Variants in PTAR1 observed in about 807,000 individuals in gnomAD.
The protein encoded by PTAR1 is protein prenyltransferase alpha subunit repeat containing 1.
Under a neutral mutation model 45.5 loss-of-function variants are expected in PTAR1, and 17 were observed. That is an observed-to-expected ratio of 0.37 (90% confidence interval 0.26 to 0.56). PTAR1 has a LOEUF of 0.56. PTAR1 is among the 20% of genes least tolerant of loss of function. The probability of loss-of-function intolerance (pLI) is 0.77; values close to 1 mark genes in which losing one functional copy is unlikely to be tolerated. For missense variants in PTAR1, 391 were observed against 476.3 expected, an observed-to-expected ratio of 0.82 and a Z score of 1.67; for synonymous variants, 169 against 171.3, an observed-to-expected ratio of 0.99 and a Z score of 0.11.
At chr9:69,719,293 A>ACAGT (rs1824875810) in intron 6 of PTAR1, among the ~76,000 whole-genome samples, 1 of 152,184 alleles carries the variant, frequency 6.6e-6, no homozygotes, top group Non-Finnish European at 1.5e-5. Context: ...TGTAAAAGAT[A>ACAGT]CAGTTCCTGT....
At chr9:69,746,445 G>C (rs919507421) in intron 2 of PTAR1, among the ~76,000 whole-genome samples, 1 of 152,200 alleles carries the variant, frequency 6.6e-6, no homozygotes, top group Non-Finnish European at 1.5e-5. Flanking sequence ...TTTGCCTTCT[G>C]CAGGTCAGGA....
At chr9:69,749,059 T>G (rs142889166) in intron 2 of PTAR1, among the ~76,000 whole-genome samples, 1 of 152,232 alleles carries the variant, frequency 6.6e-6, no homozygotes, top group African/African-American at 2.4e-5. Flanking sequence ...GTGAGTGAGC[T>G]TAACCATTTA....
chr9:69,732,515 T>G (rs755728667), intron 4 of PTAR1, among the ~76,000 whole-genome samples, 163 bp from the exon 5 acceptor site: 1 of 152,144 alleles, frequency 6.6e-6, no homozygotes, highest in Non-Finnish European at 1.5e-5. Context: ...GTTGTTTTGT[T>G]GTTTATGATG....
At chr9:69,744,110 A>T (rs1023747482) in intron 2 of PTAR1, among the ~76,000 whole-genome samples, 1 of 152,186 alleles carries the variant, frequency 6.6e-6, no homozygotes, top group Admixed American at 6.6e-5. Context: ...GGTAAAATGT[A>T]CCAGGAAGTG....
At chr9:69,756,681 G>C (rs1826792485) in intron 1 of PTAR1, among the ~76,000 whole-genome samples, 2 of 151,848 alleles carry the variant, frequency 1.3e-5, no homozygotes. Context: ...TTTAATACTT[G>C]GCTTAAAACC....
Position 69,712,227 on chromosome 9 carries a change from G to C in PTAR1, c.*6115C>G, listed in dbSNP as rs1824549929. 1 of 152,070 alleles carries C rather than the reference G, an allele frequency of 6.6e-6. No individual in the cohort carries two copies. The highest frequency in any genetic ancestry group is 2.4e-5 in the African/African-American group (1 of 41,428). 9.4% of individuals were successfully genotyped at this position (152,070 alleles called of 1,614,324 possible). On this transcript the variant is annotated 3_prime_UTR_variant, in exon 8 of 8. Transcript: ENST00000340434. ...TAAAATTAAGGCTGATTCCTAAAAG[G>C]TATGGAAGAAAAGCCAGAATGTTAT...
chr9:69,747,650 C>A (rs543266717), intron 2 of PTAR1, among the ~76,000 whole-genome samples: 1 of 152,144 alleles, frequency 6.6e-6, no homozygotes, highest in Admixed American at 6.5e-5. Flanking sequence ...TGCCCAGTTA[C>A]GAAGAGTAGA....
At chr9:69,732,938 G>A (rs1825607787) in intron 4 of PTAR1, among the ~76,000 whole-genome samples, 1 of 152,132 alleles carries the variant, frequency 6.6e-6, no homozygotes, top group African/African-American at 2.4e-5. Context: ...GTCTGTTTAA[G>A]ATTTGCATTA....
At chr9:69,739,818 T>C (rs1029561443) in intron 3 of PTAR1, among the ~76,000 whole-genome samples, 5 of 152,218 alleles carry the variant, frequency 3.3e-5, no homozygotes, top group Non-Finnish European at 7.3e-5. Flanking sequence ...CAAAGGATTT[T>C]TTAAAAATCA....
At chr9:69,733,026 T>C (rs1184129617) in intron 4 of PTAR1, among the ~76,000 whole-genome samples, 8 of 152,222 alleles carry the variant, frequency 5.3e-5, no homozygotes, top group African/African-American at 9.6e-5. Context: ...AATTTACTTA[T>C]ATAAAAGCAT....
chr9:69,747,593 G>A (rs1038192710), intron 2 of PTAR1, among the ~76,000 whole-genome samples: 13 of 152,152 alleles, frequency 8.5e-5, no homozygotes, highest in African/African-American at 1.9e-4. Flanking sequence ...ACACTCTGCC[G>A]CAGTGTCTCA....
chr9:69,742,735 T>C (rs1327663240), intron 2 of PTAR1, among the ~76,000 whole-genome samples: 4 of 152,116 alleles, frequency 2.6e-5, no homozygotes, highest in Admixed American at 2.6e-4. Flanking sequence ...GACCTATATA[T>C]ATTTTTAAAA....
rs1231585116 is a variant in PTAR1 at position 69,717,420 on chromosome 9, T to C, written c.*922A>G. 1 of 152,114 alleles carries C rather than the reference T, an allele frequency of 6.6e-6. No homozygotes were observed. The highest frequency in any genetic ancestry group is 1.5e-5 in the Non-Finnish European group (1 of 68,014). The allele number at this position is 152,114 out of a possible 1,614,324, so 9.4% of individuals were successfully genotyped here. ...GCATATACCAAATTTGAGGTAAAAA[T>C]AATCTATCAAAACTAGCAATAAAAA... On this transcript the variant is annotated 3_prime_UTR_variant, in exon 8 of 8. Transcript: ENST00000340434.
chr9:69,756,886 A>G (rs1208619041), intron 1 of PTAR1, among the ~76,000 whole-genome samples: 2 of 152,254 alleles, frequency 1.3e-5, no homozygotes, highest in African/African-American at 2.4e-5. Flanking sequence ...CACTAGGCAC[A>G]TGGAGCCACT....
intron 3 of PTAR1, among the ~76,000 whole-genome samples, chr9:69,736,246 T>A (rs1317185959): frequency 6.6e-6 from 1 of 152,138 alleles, no homozygotes; most frequent in Non-Finnish European, 1.5e-5. Context: ...CAATATGTGT[T>A]TTAAAACAAG....
chr9:69,730,704 A>G (rs540185953), intron 5 of PTAR1, among the ~76,000 whole-genome samples: 4 of 151,212 alleles, frequency 2.6e-5, no homozygotes, highest in African/African-American at 9.7e-5. Flanking sequence ...TTTCTCAACT[A>G]GATTTTCAAT....
rs762873506 is a variant in PTAR1, at chr9:69,712,681, T to C, written c.*5661A>G. The C allele has an allele frequency of 4.6e-5, 7 of 152,126 alleles. No individual in the cohort carries two copies. The highest frequency in any genetic ancestry group is 8.8e-5 in the Non-Finnish European group (6 of 67,990). The allele number at this position is 152,126 out of a possible 1,614,324, so 9.4% of individuals were successfully genotyped here. On this transcript the variant is annotated 3_prime_UTR_variant, in exon 8 of 8. Coordinates refer to ENST00000340434, the MANE Select transcript of PTAR1 (RefSeq NM_001099666.2). ...ATAAAACAAAGGGAAACTGAAGTCT[T>C]TGGAAGCAAAATAGTTGTCAATTTG...
intron 5 of PTAR1, among the ~76,000 whole-genome samples, chr9:69,728,005 C>T (rs985943747): frequency 3.9e-5 from 6 of 152,184 alleles, no homozygotes; most frequent in Admixed American, 6.6e-5. Context: ...CACCCACTAA[C>T]CTGCTTTGCC....
chr9:69,749,653 C>A (rs921534271), intron 2 of PTAR1, among the ~76,000 whole-genome samples: 2 of 151,996 alleles, frequency 1.3e-5, no homozygotes, highest in African/African-American at 4.8e-5. Context: ...GAGTCCCTTT[C>A]TATGGTATAA....
Sources: gnomAD v4.1 joint callset for allele counts (sites outside exome capture counted in the v4.1 genomes callset) on GRCh38, gnomAD v4.1.1 for gene constraint, MANE v1.5 for transcripts, NCBI Gene and HGNC (gene_info 2026-07-23, HGNC 2026-07-21) for gene names.